BORCS5: variants seen among roughly 807,000 people sequenced by gnomAD.
BORCS5 encodes BLOC-1 related complex subunit 5, also known as BLOC-1-related complex subunit 5.
A neutral mutation model predicts 22.1 loss-of-function variants in BORCS5; 17 were observed. The observed-to-expected ratio is 0.77, with a 90% confidence interval of 0.53 to 1.15. The LOEUF (loss-of-function observed/expected upper bound fraction) is 1.15. BORCS5 is among the 50% of genes most tolerant of loss of function. The pLI, the probability that BORCS5 is intolerant of heterozygous loss-of-function variation, is 0.00. For missense variants in BORCS5, 247 were observed against 253.2 expected (o/e 0.98, Z 0.17); for synonymous variants, 117 against 99.8 (o/e 1.17, Z -1.03).
chr12:12,402,575 A>G (rs143386312), intron 2 of BORCS5, among the ~76,000 whole-genome samples: 1 of 152,304 alleles, frequency 6.6e-6, no homozygotes, highest in East Asian at 1.9e-4. Context: ...ATTGAAGTAG[A>G]CTTTTAACCT....
intron 2 of BORCS5, among the ~76,000 whole-genome samples, chr12:12,381,037 A>C (rs1289691892): frequency 1.5e-5 from 2 of 131,454 alleles, no homozygotes; most frequent in East Asian, 4.2e-4. Flanking sequence ...TTTGAGACCG[A>C]GTCTCACTCT....
chr12:12,393,452 C>A (rs1164866211), intron 2 of BORCS5, among the ~76,000 whole-genome samples: 1 of 152,052 alleles, frequency 6.6e-6, no homozygotes, highest in African/African-American at 2.4e-5. Context: ...TTTTCCCACA[C>A]CCTATCCTTA....
chr12:12,438,370 A>AC (rs1466936095), intron 3 of BORCS5, among the ~76,000 whole-genome samples: 10,121 of 128,158 alleles, frequency 0.079, 736 homozygotes, highest in Middle Eastern at 0.12. Context: ...CAAAAAAAAA[A>AC]AAAAAAAAAA....
chr12:12,376,672 T>G (rs1863662169), intron 2 of BORCS5, among the ~76,000 whole-genome samples: 1 of 152,228 alleles, frequency 6.6e-6, no homozygotes, highest in Non-Finnish European at 1.5e-5. Flanking sequence ...AACAGAGAGT[T>G]AACAGTTACA....
chr12:12,430,445 C>G (rs1045546877), intron 2 of BORCS5, among the ~76,000 whole-genome samples: 1 of 152,102 alleles, frequency 6.6e-6, no homozygotes, highest in Admixed American at 6.5e-5. Context: ...GCCACTGTGC[C>G]TGGCCGATAA....
intron 2 of BORCS5, among the ~76,000 whole-genome samples, chr12:12,384,793 G>C (rs891747189): frequency 1.3e-5 from 2 of 151,286 alleles, no homozygotes; most frequent in African/African-American, 4.9e-5. Flanking sequence ...TTCTGACTTT[G>C]TTATGCAGCT....
At chr12:12,362,763 C>T (rs1324146192) in intron 2 of BORCS5, among the ~76,000 whole-genome samples, 2 of 150,844 alleles carry the variant, frequency 1.3e-5, no homozygotes, top group African/African-American at 4.9e-5. Context: ...CCTCAGCCTC[C>T]TGAAGTAGCT....
chr12:12,405,242 C>T (rs1272603877), intron 2 of BORCS5, among the ~76,000 whole-genome samples: 1 of 152,030 alleles, frequency 6.6e-6, no homozygotes, highest in East Asian at 1.9e-4. Flanking sequence ...AAAGTATAAC[C>T]ACATCTCAAC....
intron 3 of BORCS5, among the ~76,000 whole-genome samples, chr12:12,454,563 C>T (rs1432636631): frequency 1.3e-5 from 2 of 152,202 alleles, no homozygotes; most frequent in African/African-American, 2.4e-5. Context: ...TGACTGCTTC[C>T]TAATTGGGAG....
At chr12:12,441,780 C>A (rs1321157880) in intron 3 of BORCS5, among the ~76,000 whole-genome samples, 2 of 151,758 alleles carry the variant, frequency 1.3e-5, no homozygotes, top group African/African-American at 4.8e-5. Context: ...TCTTTCATGC[C>A]ATGAATATGT....
chr12:12,365,345 ATT>A (rs376865029), intron 2 of BORCS5, among the ~76,000 whole-genome samples: 6 of 140,758 alleles, frequency 4.3e-5, no homozygotes, highest in Admixed American at 1.4e-4. Context: ...ATTAAAATAC[ATT>A]TTTTTTTTTT....
chr12:12,391,879 A>C (rs1375675268), intron 2 of BORCS5, among the ~76,000 whole-genome samples: 1 of 123,796 alleles, frequency 8.1e-6, no homozygotes, highest in Non-Finnish European at 1.7e-5. Flanking sequence ...AAAAAAAAAA[A>C]AAAAAAACGC....
chr12:12,381,202 G>A (rs1863768707), intron 2 of BORCS5, among the ~76,000 whole-genome samples: 1 of 151,028 alleles, frequency 6.6e-6, no homozygotes, highest in South Asian at 2.1e-4. Flanking sequence ...CTTTCACCAT[G>A]TTGGCCAGGC....
chr12:12,371,135 C>G (rs1164351763), intron 2 of BORCS5, among the ~76,000 whole-genome samples: 1 of 152,106 alleles, frequency 6.6e-6, no homozygotes, highest in East Asian at 1.9e-4. Context: ...TTATTTTGTT[C>G]TTCCATGTCT....
chr12:12,455,271 C>G (rs1252456808), intron 3 of BORCS5, among the ~76,000 whole-genome samples: 1 of 152,192 alleles, frequency 6.6e-6, no homozygotes. Flanking sequence ...GTTAGCTGAC[C>G]TTGAACCATC....
At chr12:12,369,615 C>T (rs1863477723) in intron 2 of BORCS5, among the ~76,000 whole-genome samples, 2 of 143,762 alleles carry the variant, frequency 1.4e-5, no homozygotes, top group South Asian at 4.4e-4. Flanking sequence ...ACAATATAGT[C>T]TTGATATTTA....
At chr12:12,409,341 AG>A (rs774612962) in intron 2 of BORCS5, among the ~76,000 whole-genome samples, 112 of 152,186 alleles carry the variant, frequency 7.4e-4, no homozygotes, top group Non-Finnish European at 1.1e-3. Context: ...ATTTAGCATT[AG>A]GTATATCTCC....
chr12:12,395,238 T>G (rs1592083261), intron 2 of BORCS5, among the ~76,000 whole-genome samples: 6 of 151,586 alleles, frequency 4.0e-5, no homozygotes, highest in Admixed American at 3.9e-4. Context: ...AAGGCTGCAA[T>G]TTGAGAGGGA....
At chr12:12,465,238 T>C (rs1565943745) in intron 3 of BORCS5, among the ~76,000 whole-genome samples, 1 of 152,164 alleles carries the variant, frequency 6.6e-6, no homozygotes, top group Non-Finnish European at 1.5e-5. Flanking sequence ...CTGACTGATT[T>C]CCACATCCAG....
Sources: gnomAD v4.1 joint callset for allele counts (sites outside exome capture counted in the v4.1 genomes callset) on GRCh38, gnomAD v4.1.1 for gene constraint, MANE v1.5 for transcripts, NCBI Gene and HGNC (gene_info 2026-07-23, HGNC 2026-07-21) for gene names.